The following GALNT13 variants were observed in gnomAD, a reference collection of about 807,000 sequenced individuals.
GALNT13 encodes polypeptide N-acetylgalactosaminyltransferase 13.
GALNT13 carries 28 observed loss-of-function variants against 64.2 expected under a neutral mutation model. The observed-to-expected ratio is 0.44, with a 90% CI of 0.32 to 0.60. The LOEUF is 0.60. Among genes scored for constraint, GALNT13 ranks in the 20% least tolerant of loss-of-function variants. The probability of loss-of-function intolerance (pLI) is 0.05; values close to 1 mark genes in which losing one functional copy is unlikely to be tolerated. For missense variants in GALNT13, 577 were observed against 669.8 expected, an observed-to-expected ratio of 0.86 and a Z score of 1.53; for synonymous variants, 214 against 224.6, an observed-to-expected ratio of 0.95 and a Z score of 0.42.
intron 3 of GALNT13, among the ~76,000 whole-genome samples, chr2:154,070,943 A>G (rs893056934): frequency 7.2e-5 from 11 of 151,910 alleles, no homozygotes; most frequent in African/African-American, 2.7e-4. Context: ...AAAAAGGAAA[A>G]AGAAAAGTTG....
At chr2:153,618,650 G>A in the GALNT13 span, among the ~76,000 whole-genome samples, 1 of 151,654 alleles carries the variant, frequency 6.6e-6, no homozygotes, top group Non-Finnish European at 1.5e-5. Context: ...TTGTTTTGGG[G>A]TCTCTCTCTT....
At chr2:153,644,683 A>G in the GALNT13 span, among the ~76,000 whole-genome samples, 2 of 152,060 alleles carry the variant, frequency 1.3e-5, no homozygotes, top group Admixed American at 6.6e-5. Flanking sequence ...CTACTTCTTG[A>G]TTCACTGACT....
the GALNT13 span, among the ~76,000 whole-genome samples, chr2:153,352,409 T>C: frequency 6.6e-6 from 1 of 152,116 alleles, no homozygotes; most frequent in Non-Finnish European, 1.5e-5. Context: ...TTGCCTCTTT[T>C]TATTCTTTTG....
At chr2:153,493,894 A>C in the GALNT13 span, among the ~76,000 whole-genome samples, 1 of 151,974 alleles carries the variant, frequency 6.6e-6, no homozygotes, top group African/African-American at 2.4e-5. Flanking sequence ...ACTATAGAGG[A>C]ATACCTGAGA....
intron 8 of GALNT13, among the ~76,000 whole-genome samples, chr2:154,293,474 A>C (rs527487391): frequency 3.3e-5 from 5 of 152,314 alleles, no homozygotes; most frequent in Admixed American, 3.3e-4. Flanking sequence ...TTATGGCAAT[A>C]AAAGTTAAAT....
chr2:154,434,645 A>C (rs1445633922), intron 11 of GALNT13, among the ~76,000 whole-genome samples: 2 of 152,114 alleles, frequency 1.3e-5, no homozygotes, highest in Admixed American at 6.6e-5. Context: ...AAAAATGGCC[A>C]TTTTAGTGGT....
intron 3 of GALNT13, among the ~76,000 whole-genome samples, chr2:154,092,636 G>A (rs1701872363): frequency 6.6e-6 from 1 of 152,006 alleles, no homozygotes; most frequent in African/African-American, 2.4e-5. Context: ...TGGCTTGAAG[G>A]GTAACCAGGA....
At chr2:154,288,879 T>C (rs917915040) in intron 8 of GALNT13, among the ~76,000 whole-genome samples, 21 of 152,222 alleles carry the variant, frequency 1.4e-4, no homozygotes, top group African/African-American at 4.8e-4. Flanking sequence ...TGTTGGTGGA[T>C]CTACCATTCT....
At chr2:153,861,170 T>A in the GALNT13 span, among the ~76,000 whole-genome samples, 1 of 152,222 alleles carries the variant, frequency 6.6e-6, no homozygotes, top group Non-Finnish European at 1.5e-5. Context: ...ATTTACTGAG[T>A]TCCTAGTCTA....
At chr2:153,443,067 C>T in the GALNT13 span, among the ~76,000 whole-genome samples, 2 of 152,098 alleles carry the variant, frequency 1.3e-5, no homozygotes, top group Non-Finnish European at 1.5e-5. Context: ...GGTTTTGTCT[C>T]GCTGGAGTTC....
At chr2:153,786,060 A>G in the GALNT13 span, among the ~76,000 whole-genome samples, 1 of 151,732 alleles carries the variant, frequency 6.6e-6, no homozygotes, top group East Asian at 2.0e-4. Context: ...AGCGGCTCCA[A>G]ATTCCTTGGA....
the GALNT13 span, among the ~76,000 whole-genome samples, chr2:153,179,995 C>T: frequency 6.6e-6 from 1 of 151,954 alleles, no homozygotes; most frequent in Non-Finnish European, 1.5e-5. Context: ...TCATTTCTTC[C>T]TTTTTTATTT....
chr2:154,184,807 T>C (rs1196019363), intron 4 of GALNT13, among the ~76,000 whole-genome samples: 3 of 152,124 alleles, frequency 2.0e-5, no homozygotes, highest in African/African-American at 7.2e-5. Context: ...TTTCATATAA[T>C]ATATCATTTA....
At chr2:153,162,962 C>T in the GALNT13 span, among the ~76,000 whole-genome samples, 36,420 of 151,902 alleles carry the variant, frequency 0.24, 4,798 homozygotes, top group African/African-American at 0.34. Flanking sequence ...TCTCTCAAGT[C>T]GATTGAAAGT....
At chr2:153,878,373 A>T (rs1034232947) in intron 1 of GALNT13, among the ~76,000 whole-genome samples, 9 of 152,124 alleles carry the variant, frequency 5.9e-5, no homozygotes, top group African/African-American at 9.7e-5. Context: ...AACCACTGTG[A>T]TATGCTGCCT....
chr2:153,316,713 A>G, the GALNT13 span, among the ~76,000 whole-genome samples: 1 of 151,740 alleles, frequency 6.6e-6, no homozygotes, highest in Admixed American at 6.6e-5. Context: ...AGCTAGAAAC[A>G]ATCCAAATAC....
At chr2:153,088,543 G>A in the GALNT13 span, among the ~76,000 whole-genome samples, 2 of 152,096 alleles carry the variant, frequency 1.3e-5, no homozygotes, top group African/African-American at 4.8e-5. Context: ...GACCTGGCTA[G>A]TGCTGTCAAT....
chr2:153,094,001 T>C, the GALNT13 span, among the ~76,000 whole-genome samples: 2 of 152,156 alleles, frequency 1.3e-5, no homozygotes, highest in African/African-American at 4.8e-5. Flanking sequence ...TCCTTTGAAT[T>C]TCTGCAGTAT....
chr2:153,715,936 C>T, the GALNT13 span, among the ~76,000 whole-genome samples: 1 of 151,554 alleles, frequency 6.6e-6, no homozygotes, highest in Non-Finnish European at 1.5e-5. Flanking sequence ...GGGAAGAGGG[C>T]CAGGACACAG....
Sources: allele counts gnomAD v4.1 joint callset (sites outside exome capture counted in the v4.1 genomes callset), GRCh38; gene constraint gnomAD v4.1.1; transcripts MANE v1.5; gene names NCBI Gene and HGNC (gene_info 2026-07-23, HGNC 2026-07-21).